CEP170: variants seen among roughly 807,000 people sequenced by gnomAD.
CEP170 encodes the protein centrosomal protein of 170 kDa.
CEP170 carries 21 observed loss-of-function variants against 151.9 expected under a neutral mutation model. The ratio of observed to expected loss-of-function variants is 0.14; its 90% CI spans 0.10 to 0.20. CEP170 has a LOEUF of 0.20. Ranked by LOEUF, CEP170 falls within the 10% of genes least tolerant of loss-of-function variation. The probability of loss-of-function intolerance (pLI) is 1.00; values close to 1 mark genes in which losing one functional copy is unlikely to be tolerated. For missense variants in CEP170, 964 were observed against 1,892.9 expected, an observed-to-expected ratio of 0.51 and a Z score of 9.11; for synonymous variants, 356 against 648.8, an observed-to-expected ratio of 0.55 and a Z score of 6.86.
intron 14 of CEP170, among the ~76,000 whole-genome samples, chr1:243,150,683 G>A (rs1405273868): frequency 2.3e-5 from 2 of 88,402 alleles, no homozygotes; most frequent in Non-Finnish European, 5.1e-5. Context: ...ATTTAAACGT[G>A]TGAGATCTAC....
chr1:243,183,048 T>C (rs962838252), intron 10 of CEP170, among the ~76,000 whole-genome samples: 3 of 151,952 alleles, frequency 2.0e-5, no homozygotes, highest in Non-Finnish European at 2.9e-5. Flanking sequence ...GATCTCCTCT[T>C]GGAAGCTATT....
chr1:243,175,442 C>T (rs2059162009), intron 10 of CEP170, among the ~76,000 whole-genome samples: 1 of 152,172 alleles, frequency 6.6e-6, no homozygotes, highest in Non-Finnish European at 1.5e-5. Flanking sequence ...CAATGACTAC[C>T]AGCCCAGATT....
At chr1:243,203,515 A>G (rs1211681458) in intron 4 of CEP170, among the ~76,000 whole-genome samples, 2 of 152,220 alleles carry the variant, frequency 1.3e-5, no homozygotes, top group Admixed American at 1.3e-4. Context: ...AACTTTAAAC[A>G]GCGTTAGTTA....
intron 3 of CEP170, among the ~76,000 whole-genome samples, chr1:243,214,237 G>A (rs900761612): frequency 2.0e-5 from 3 of 147,800 alleles, no homozygotes; most frequent in African/African-American, 7.4e-5. Flanking sequence ...CTTTATGGAG[G>A]AAAAAAGATG....
At position 243,165,944 on chromosome 1, in the gene CEP170, T is replaced by C; in HGVS notation, c.2016A>G (p.Lys672=). ...CTTTCTCCTGAAGTTCTGTGTCTTG[T>C]TTTTCTCCTATCTCTGACCTCTGTG... is the stretch of plus-strand genomic sequence containing the variant. ...VVTQRSEIGE[K]QDTELQEKET... is the part of the protein sequence containing the mutation. The change falls in exon 13 of 20, where the codon AAA becomes AAG. Residue 672 remains lysine (K), a synonymous_variant. Coordinates refer to ENST00000366542, the MANE Select transcript of CEP170 (RefSeq NM_014812.3). 2 of 1,613,736 alleles carry C rather than the reference T, an allele frequency of 1.2e-6. No homozygotes were observed. The highest frequency in any genetic ancestry group is 1.7e-6 in the Non-Finnish European group (2 of 1,179,708).
At chr1:243,139,092 G>A (rs1193997671) in intron 16 of CEP170, among the ~76,000 whole-genome samples, 1 of 151,358 alleles carries the variant, frequency 6.6e-6, no homozygotes, top group East Asian at 1.9e-4. Context: ...TAGGCCTTAA[G>A]TATTTTCTTT....
intron 10 of CEP170, among the ~76,000 whole-genome samples, chr1:243,182,858 A>C (rs2059710467): frequency 6.6e-6 from 1 of 152,208 alleles, no homozygotes; most frequent in Admixed American, 6.5e-5. Flanking sequence ...TGGAGTTTAC[A>C]TTTGTTTGTG....
At chr1:243,253,592 A>G (rs944441542) in intron 1 of CEP170, among the ~76,000 whole-genome samples, 2 of 152,228 alleles carry the variant, frequency 1.3e-5, no homozygotes, top group African/African-American at 4.8e-5. Flanking sequence ...ATAAGTTGCT[A>G]TTCATCAGTG....
intron 1 of CEP170, among the ~76,000 whole-genome samples, chr1:243,234,475 A>G (rs528528142): frequency 2.6e-5 from 4 of 152,188 alleles, no homozygotes; most frequent in Non-Finnish European, 5.9e-5. Context: ...GTTAAAAGTG[A>G]TACACTTCAC....
chr1:243,146,926 C>T (rs750707340), intron 14 of CEP170, among the ~76,000 whole-genome samples: 1 of 143,306 alleles, frequency 7.0e-6, no homozygotes, highest in African/African-American at 2.7e-5. Flanking sequence ...GTGAATCCCC[C>T]CTAACCAGTA....
intron 14 of CEP170, among the ~76,000 whole-genome samples, chr1:243,146,070 A>G (rs1558408211): frequency 6.6e-6 from 1 of 152,254 alleles, no homozygotes; most frequent in Non-Finnish European, 1.5e-5. Context: ...GAAGTAATTC[A>G]GGAATGGAAA....
Position 243,165,624 on chromosome 1 carries a change from T to A in CEP170, c.2336A>T (p.Glu779Val). 6.2e-7 allele frequency: 1 copy of A among 1,614,040 alleles called. No homozygotes were observed. Among genetic ancestry groups the A allele is most frequent in the Non-Finnish European group, 8.5e-7 (1 of 1,179,904 alleles). Reference sequence around the variant, plus strand: ...AGGTTGTGATTCTTGTTTAAAAGTTTCCTCCCTACATTTATCTGTCTGACC... The same window carrying A: ...AGGTTGTGATTCTTGTTTAAAAGTTACCTCCCTACATTTATCTGTCTGACC... The part of the protein sequence containing the change: ...VSGQTDKCRE[E>V]TFKQESQPPE... Residue 779 changes from glutamate (E) to valine (V), a missense_variant, in exon 13 of 20, where the codon GAA becomes GTA. By Grantham distance (121) the Glu-to-Val change is moderately radical. Coordinates refer to ENST00000366542, the MANE Select transcript of CEP170 (RefSeq NM_014812.3).
chr1:243,201,998 G>A (rs942542586), intron 4 of CEP170, among the ~76,000 whole-genome samples: 30 of 151,952 alleles, frequency 2.0e-4, no homozygotes, highest in African/African-American at 7.0e-4. Flanking sequence ...TCATAACTAA[G>A]TATATTTAAT....
chr1:243,137,625 A>G (rs1210338977), intron 16 of CEP170, among the ~76,000 whole-genome samples: 1 of 152,014 alleles, frequency 6.6e-6, no homozygotes, highest in Non-Finnish European at 1.5e-5. Context: ...AAATACAAAA[A>G]TTAGCGGGGC....
At chr1:243,182,640 C>T (rs2059694497) in intron 10 of CEP170, among the ~76,000 whole-genome samples, 1 of 152,118 alleles carries the variant, frequency 6.6e-6, no homozygotes, top group African/African-American at 2.4e-5. Flanking sequence ...ACTTCAATAT[C>T]GAGTCCAATC....
intron 15 of CEP170, among the ~76,000 whole-genome samples, chr1:243,140,763 T>G (rs1404308783): frequency 6.6e-6 from 1 of 152,194 alleles, no homozygotes; most frequent in Non-Finnish European, 1.5e-5. Context: ...TAGTACAATA[T>G]TCTGAAATAA....
intron 6 of CEP170, 125 bp downstream of exon 6, chr1:243,200,393 C>G: frequency 2.1e-6 from 2 of 957,288 alleles, no homozygotes; most frequent in South Asian, 3.4e-5. Flanking sequence ...AGCATTAAAA[C>G]ACACTCTGAA....
intron 1 of CEP170, among the ~76,000 whole-genome samples, chr1:243,227,901 C>G (rs1345629256): frequency 6.6e-6 from 1 of 152,202 alleles, no homozygotes; most frequent in East Asian, 1.9e-4. Context: ...GCCCTGGAGT[C>G]ATATAGACAG....
chr1:243,202,535 A>G (rs1355151716), intron 4 of CEP170, among the ~76,000 whole-genome samples: 1 of 152,028 alleles, frequency 6.6e-6, no homozygotes, highest in East Asian at 1.9e-4. Context: ...ATACATTCGC[A>G]TATTTATATA....
Sources: gnomAD v4.1 joint callset for allele counts (sites outside exome capture counted in the v4.1 genomes callset) on GRCh38, gnomAD v4.1.1 for gene constraint, MANE v1.5 for transcripts, NCBI Gene and HGNC (gene_info 2026-07-23, HGNC 2026-07-21) for gene names.